ITPR1: variants seen among roughly 807,000 people sequenced by gnomAD.
ITPR1 encodes the protein inositol 1,4,5-trisphosphate-gated calcium channel ITPR1.
A neutral mutation model predicts 318.4 loss-of-function variants in ITPR1; 96 were observed. The ratio of observed to expected loss-of-function variants is 0.30; its 90% confidence interval spans 0.26 to 0.36. ITPR1 has a LOEUF of 0.36. ITPR1 is among the 10% of genes least tolerant of loss of function. The pLI, the probability that ITPR1 is intolerant of heterozygous loss-of-function variation, is 1.00. For synonymous variants in ITPR1, 1,312 were observed against 1,289.9 expected, an observed-to-expected ratio of 1.02 and a Z score of -0.37; for missense variants, 2,440 against 3,460.2, an observed-to-expected ratio of 0.71 and a Z score of 7.40.
intron 4 of ITPR1, among the ~76,000 whole-genome samples, chr3:4,603,034 A>G (rs1348896351): frequency 6.6e-6 from 1 of 152,182 alleles, no homozygotes; most frequent in Non-Finnish European, 1.5e-5. Flanking sequence ...AAAAATGTTC[A>G]AGCTTACTGG....
At chr3:4,495,463 C>T (rs751729803) in intron 2 of ITPR1, among the ~76,000 whole-genome samples, 20 of 152,228 alleles carry the variant, frequency 1.3e-4, no homozygotes, top group Non-Finnish European at 1.5e-4. Flanking sequence ...GGAGTACTGG[C>T]GGAGTGAGAA....
In ITPR1 at chr3:4,711,507, C is replaced by A. The variant is rs1303957449; in HGVS notation, c.4992-250C>A. 6 of 392,430 alleles carry A rather than the reference C, an allele frequency of 1.5e-5. No individual in the cohort carries two copies. In the East Asian group the frequency reaches 2.0e-4, roughly 13 times the overall value. The allele number at this position is 392,430 out of a possible 1,614,324, so 24.3% of individuals were successfully genotyped here. On this transcript the variant is annotated intron_variant, in intron 38 of 61. Coordinates refer to ENST00000649015, the MANE Select transcript of ITPR1 (RefSeq NM_001378452.1). Reference sequence around the variant, plus strand: ...GTCTCGGTTCTCCTCTCCATATAATCTCTCCATTGTATGTGGCTGACTCCT... The same window carrying A: ...GTCTCGGTTCTCCTCTCCATATAATATCTCCATTGTATGTGGCTGACTCCT...
intron 61 of ITPR1, among the ~76,000 whole-genome samples, chr3:4,839,629 C>T (rs2051191383): frequency 6.6e-6 from 1 of 152,138 alleles, no homozygotes; most frequent in African/African-American, 2.4e-5. Context: ...ATGGAGGATA[C>T]ATTCATTGTC....
chr3:4,742,172 C>T (rs911753003), intron 44 of ITPR1, among the ~76,000 whole-genome samples: 37 of 152,286 alleles, frequency 2.4e-4, no homozygotes, highest in African/African-American at 8.4e-4. Context: ...CTATCAACTG[C>T]GGGCCTCCAG....
chr3:4,776,722 C>T (rs2046509706), intron 47 of ITPR1, among the ~76,000 whole-genome samples: 1 of 152,182 alleles, frequency 6.6e-6, no homozygotes, highest in South Asian at 2.1e-4. Context: ...TCCTTATTAC[C>T]TCAAGTTTGC....
At chr3:4,731,038 T>C (rs996228070) in intron 42 of ITPR1, among the ~76,000 whole-genome samples, 1 of 152,214 alleles carries the variant, frequency 6.6e-6, no homozygotes, top group Non-Finnish European at 1.5e-5. Context: ...TGTGTCATAC[T>C]GAAAGAAAAT....
intron 30 of ITPR1, 55 bp from the exon 31 acceptor site, chr3:4,688,440 G>A: frequency 6.2e-7 from 1 of 1,605,540 alleles, no homozygotes; most frequent in Non-Finnish European, 8.5e-7. Context: ...GGGTATAGGA[G>A]AAGCTGGTCT....
chr3:4,529,757 A>G (rs1301413270), intron 4 of ITPR1, among the ~76,000 whole-genome samples: 2 of 152,212 alleles, frequency 1.3e-5, no homozygotes, highest in South Asian at 2.1e-4. Context: ...TATAAATGCA[A>G]ATAATAGTGA....
intron 4 of ITPR1, among the ~76,000 whole-genome samples, chr3:4,622,747 A>G (rs1196500343): frequency 6.6e-6 from 1 of 152,194 alleles, no homozygotes; most frequent in African/African-American, 2.4e-5. Flanking sequence ...GAATCCAAGA[A>G]TGAACACTGG....
chr3:4,764,858 G>GGAAA (rs2045702358), intron 44 of ITPR1, among the ~76,000 whole-genome samples: 1 of 152,122 alleles, frequency 6.6e-6, no homozygotes, highest in African/African-American at 2.4e-5. Flanking sequence ...ATTTCATGGG[G>GGAAA]GAAAGGTCTA....
intron 13 of ITPR1, among the ~76,000 whole-genome samples, chr3:4,660,652 T>A (rs1486095651): frequency 6.6e-6 from 1 of 152,220 alleles, no homozygotes; most frequent in Non-Finnish European, 1.5e-5. Context: ...GTATTATTAT[T>A]TCTTGTTATA....
intron 4 of ITPR1, among the ~76,000 whole-genome samples, chr3:4,538,240 C>T (rs750093069): frequency 6.6e-6 from 1 of 151,988 alleles, no homozygotes; most frequent in Non-Finnish European, 1.5e-5. Context: ...AAGCAAAGGA[C>T]ATGAACAGAC....
intron 55 of ITPR1, 93 bp downstream of exon 55, chr3:4,806,360 TGATTGG>T (rs2048552952): frequency 8.1e-7 from 1 of 1,229,556 alleles, no homozygotes; most frequent in South Asian, 1.3e-5. Flanking sequence ...CTTTTAATGG[TGATTGG>T]TGTGCCTGGT....
At chr3:4,711,982 A>T (rs1429419294) in intron 39 of ITPR1, 114 bp downstream of exon 39, 2 of 527,124 alleles carry the variant, frequency 3.8e-6, no homozygotes, top group Non-Finnish European at 6.8e-6. Context: ...AGCTTTTTTT[A>T]AAAGAAAGAA....
At chr3:4,796,150 C>A (rs1296645120) in intron 53 of ITPR1, among the ~76,000 whole-genome samples, 1 of 152,138 alleles carries the variant, frequency 6.6e-6, no homozygotes, top group East Asian at 1.9e-4. Flanking sequence ...AGTTTAAGGA[C>A]CAACTTGAAA....
At chr3:4,637,275 G>C (rs185299635) in intron 5 of ITPR1, among the ~76,000 whole-genome samples, 2 of 152,320 alleles carry the variant, frequency 1.3e-5, no homozygotes, top group East Asian at 3.9e-4. Flanking sequence ...TAAGCAGAAA[G>C]AACAAATGGC....
At chr3:4,509,973 C>A (rs1287488020) in intron 2 of ITPR1, among the ~76,000 whole-genome samples, 4 of 152,172 alleles carry the variant, frequency 2.6e-5, no homozygotes, top group South Asian at 2.1e-4. Context: ...GTGGAGAAGA[C>A]AAACAAACAA....
intron 35 of ITPR1, among the ~76,000 whole-genome samples, chr3:4,700,503 A>T (rs1462493206): frequency 6.6e-6 from 1 of 152,234 alleles, no homozygotes; most frequent in African/African-American, 2.4e-5. Context: ...CAGGAAAATG[A>T]AGCGGTGAAC....
Position 4,697,498 on chromosome 3 carries a change from C to A in ITPR1, c.4407+226C>A, listed in dbSNP as rs890522053. Among the ~76,000 whole-genome samples, 7 of 129,936 alleles carry A rather than the reference C, an allele frequency of 5.4e-5. 1 individual carries two copies. Among genetic ancestry groups the A allele is most frequent in the African/African-American group, 2.1e-4 (7 of 33,590 alleles). 85.2% of individuals were successfully genotyped at this position (129,936 alleles called of 152,430 possible). On this transcript the variant is annotated intron_variant, in intron 34 of 61. Coordinates refer to ENST00000649015, the MANE Select transcript of ITPR1 (RefSeq NM_001378452.1). ...CTGGAGTCTTGCTCTGTTACCTAGG[C>A]TGGAGTGCAGTGGCACAATCTCAGT...
Sources: allele counts gnomAD v4.1 joint callset (sites outside exome capture counted in the v4.1 genomes callset), GRCh38; gene constraint gnomAD v4.1.1; transcripts MANE v1.5; gene names NCBI Gene and HGNC (gene_info 2026-07-23, HGNC 2026-07-21).